STAMBP: variants seen among roughly 807,000 people sequenced by gnomAD.
The protein encoded by STAMBP is STAM binding protein, also known as STAM-binding protein.
STAMBP carries 31 observed loss-of-function variants against 50.7 expected under a neutral mutation model. The ratio of observed to expected loss-of-function variants is 0.61; its 90% CI spans 0.46 to 0.83. The LOEUF (loss-of-function observed/expected upper bound fraction) is 0.83, where lower values mean the gene tolerates loss of function less well. Ranked by LOEUF, STAMBP falls within the 40% of genes least tolerant of loss-of-function variation. The pLI is 0.00. For synonymous variants in STAMBP, 211 were observed against 192.4 expected (o/e 1.10, Z -0.80); for missense variants, 472 against 518.9 (o/e 0.91, Z 0.88).
rs908490730 is a variant in STAMBP at position 73,859,327 on chromosome 2, C to G, written c.1079C>G (p.Pro360Arg). Residue 360 changes from proline to arginine, a missense_variant, in exon 8 of 10, where the codon CCA becomes CGA. By Grantham distance (103) the Pro-to-Arg change is moderately radical. Coordinates refer to ENST00000394070, the MANE Select transcript of STAMBP (RefSeq NM_213622.4). Reference protein sequence around the residue: ...HTHCSYQMMLPESVAIVCSPK... With the variant: ...HTHCSYQMMLRESVAIVCSPK... ...CACTGCTCTTACCAGATGATGTTGC[C>G]AGAGTCAGTAGCCATTGTTTGCTCC... 6.2e-7 allele frequency: 1 copy of G among 1,614,128 alleles called. No individual in the cohort carries two copies. The highest frequency in any genetic ancestry group is 1.3e-5 in the African/African-American group (1 of 75,014).
intron 5 of STAMBP, 21 bp from the exon 6 acceptor site, chr2:73,849,342 A>C: frequency 6.2e-7 from 1 of 1,612,974 alleles, no homozygotes; most frequent in East Asian, 2.2e-5. Context: ...GTCGCAGACT[A>C]TTCTCCTTTC....
intron 2 of STAMBP, among the ~76,000 whole-genome samples, chr2:73,837,037 C>T (rs1177009935): frequency 1.3e-5 from 2 of 152,134 alleles, no homozygotes; most frequent in South Asian, 4.1e-4. Context: ...ATCTGTGAAC[C>T]GGAATAGGAA....
chr2:73,855,785 A>T (rs1318633317), intron 7 of STAMBP: 4 of 428,286 alleles, frequency 9.3e-6, no homozygotes, highest in Non-Finnish European at 1.9e-5. Flanking sequence ...GGCTGCACAT[A>T]AGAATCACTT....
At chr2:73,833,640 T>G (rs925858348) in intron 2 of STAMBP, among the ~76,000 whole-genome samples, 1 of 152,208 alleles carries the variant, frequency 6.6e-6, no homozygotes. Flanking sequence ...ATGGAATCAC[T>G]GCACCAGGTA....
intron 5 of STAMBP, 61 bp downstream of exon 5, chr2:73,847,814 C>T (rs190954770): frequency 4.0e-5 from 62 of 1,546,840 alleles, no homozygotes; most frequent in Admixed American, 3.2e-4. Context: ...ATCATTCTGA[C>T]GGGGTCAACC....
At chr2:73,858,519 T>G (rs541736868) in intron 7 of STAMBP, among the ~76,000 whole-genome samples, 4 of 152,120 alleles carry the variant, frequency 2.6e-5, no homozygotes, top group Non-Finnish European at 4.4e-5. Flanking sequence ...TATTGTGGAA[T>G]GGGAAAATCA....
At chr2:73,848,883 T>C (rs1480591897) in intron 5 of STAMBP, among the ~76,000 whole-genome samples, 5 of 152,144 alleles carry the variant, frequency 3.3e-5, no homozygotes, top group Admixed American at 3.3e-4. Context: ...CCCCCTAAAT[T>C]TTATTTTTTA....
intron 9 of STAMBP, 114 bp downstream of exon 9, chr2:73,860,265 C>A: frequency 2.4e-6 from 2 of 830,140 alleles, no homozygotes; most frequent in Non-Finnish European, 1.9e-6. Context: ...TTGTCACTTA[C>A]CTTGCCAGAT....
In STAMBP at chr2:73,862,312, A is replaced by G; in HGVS notation, c.*53A>G. ...CAACAAAACCATATCAGTGTACTGT[A>G]GCCCCTTAATTTAAGCTTTCTAGAA... is the stretch of plus-strand genomic sequence containing the variant. On this transcript the variant is annotated 3_prime_UTR_variant, in exon 10 of 10. Coordinates refer to ENST00000394070, the MANE Select transcript of STAMBP (RefSeq NM_213622.4). 1 of 1,508,516 alleles carries G rather than the reference A, an allele frequency of 6.6e-7. No homozygotes were observed. Among genetic ancestry groups the G allele is most frequent in the Non-Finnish European group, 8.9e-7 (1 of 1,118,988 alleles). The allele number at this position is 1,508,516 out of a possible 1,614,324, so 93.4% of individuals were successfully genotyped here. A position where few individuals can be genotyped will look rare whatever the true frequency, so the allele number is the denominator to read the frequency against.
Position 73,845,235 on chromosome 2 carries a change from A to G in STAMBP, c.348A>G (p.Lys116=). The G allele has an allele frequency of 6.2e-7, 1 of 1,613,586 alleles. No homozygotes were observed. Among genetic ancestry groups the G allele is most frequent in the Non-Finnish European group, 8.5e-7 (1 of 1,179,558 alleles). The part of the protein sequence containing the change: ...LKAELLKRYT[K]EYTEYNEEKK... ...CAGAGCTGTTAAAACGATATACCAA[A>G]GAATATACAGAATATAATGAAGAAA... The change falls in exon 4 of 10, where the codon AAA becomes AAG. Residue 116 remains lysine, a synonymous_variant. Transcript: ENST00000394070.
At position 73,850,516 on chromosome 2, in the gene STAMBP, A is replaced by G; in HGVS notation, c.1005+3A>G. ...TCATCACACTGGGCTGGATTCATGT[A>G]AGCAATTCTGAGCTGTCCGAGAGTT... On this transcript the variant is annotated splice_donor_region_variant and intron_variant, in intron 7 of 9. Coordinates refer to ENST00000394070, the MANE Select transcript of STAMBP (RefSeq NM_213622.4). This position sits in a 1 kb window ranked among gnomAD's most constrained non-coding sequence, Gnocchi z 4.3. The G allele has an allele frequency of 6.2e-7, 1 of 1,612,638 alleles. No homozygotes were observed. The highest frequency in any genetic ancestry group is 8.5e-7 in the Non-Finnish European group (1 of 1,179,330).
intron 9 of STAMBP, among the ~76,000 whole-genome samples, chr2:73,860,748 T>G (rs1678238948): frequency 6.6e-6 from 1 of 152,190 alleles, no homozygotes; most frequent in South Asian, 2.1e-4. Context: ...GATTTGATGG[T>G]GTTGCATTAC....
In STAMBP at chr2:73,849,495, GAA is replaced by G. The variant is rs202168066; in HGVS notation, c.867+17_867+18del. On this transcript the variant is annotated intron_variant, in intron 6 of 9. Coordinates refer to ENST00000394070, the MANE Select transcript of STAMBP (RefSeq NM_213622.4). ...ATTCTCTGTGGAAAACTGGTAAAAA[GAA>G]AAAAAAAACCAAACTCTTCTCTGAA... 2.0e-5 allele frequency: 29 copies of G among 1,426,044 alleles called. No individual in the cohort carries two copies. The highest frequency in any genetic ancestry group is 2.5e-5 in the Non-Finnish European group (27 of 1,062,248). 88.3% of individuals were successfully genotyped at this position (1,426,044 alleles called of 1,614,324 possible).
chr2:73,838,495 A>C (rs1319405303), intron 2 of STAMBP, among the ~76,000 whole-genome samples: 1 of 152,206 alleles, frequency 6.6e-6, no homozygotes. Flanking sequence ...ATTTTAGAGC[A>C]TGTTTTTGCT....
At chr2:73,838,779 C>T (rs1675025886) in intron 2 of STAMBP, among the ~76,000 whole-genome samples, 1 of 152,148 alleles carries the variant, frequency 6.6e-6, no homozygotes, top group African/African-American at 2.4e-5. Context: ...AGCTCATTTA[C>T]TTGATTTGTG....
At chr2:73,844,665 A>G (rs963864672) in intron 2 of STAMBP, 148 bp from the exon 3 acceptor site, 3 of 568,088 alleles carry the variant, frequency 5.3e-6, no homozygotes, top group Non-Finnish European at 9.2e-6. Flanking sequence ...GGAAAGGAGC[A>G]TGGCCCAGCT....
intron 7 of STAMBP, among the ~76,000 whole-genome samples, chr2:73,856,461 A>G (rs1677561536): frequency 6.6e-6 from 1 of 152,370 alleles, no homozygotes; most frequent in African/African-American, 2.4e-5. Flanking sequence ...AAGGAACCAA[A>G]TAAGTCTTGA....
At chr2:73,834,223 AAAAAAAAAAAAAAATATATAT>A (rs1674332373) in intron 2 of STAMBP, among the ~76,000 whole-genome samples, 2 of 25,930 alleles carry the variant, frequency 7.7e-5, no homozygotes, top group African/African-American at 2.2e-4. Flanking sequence ...AAAAAAAAAA[AAAAAAAAAAAAAAATATATAT>A]ATATATATAT....
In STAMBP at chr2:73,860,063, TTAAAC is replaced by T; in HGVS notation, c.1134_1138del (p.Lys378AsnfsTer2). On this transcript the variant is annotated frameshift_variant, in exon 9 of 10. Coordinates refer to ENST00000394070, the MANE Select transcript of STAMBP (RefSeq NM_213622.4). LOFTEE classifies it high-confidence loss of function. ...TTTTTAAATTTCAGAACTGGATTCTTTAAACTAACTGACCATGGACTAGAGGAGAT... is the reference window on the plus strand; with the variant it reads ...TTTTTAAATTTCAGAACTGGATTCTTTAACTGACCATGGACTAGAGGAGAT... 6.2e-7 allele frequency: 1 copy of T among 1,610,172 alleles called. No homozygotes were observed. Among genetic ancestry groups the T allele is most frequent in the Non-Finnish European group, 8.5e-7 (1 of 1,179,868 alleles).
Sources: allele counts gnomAD v4.1 joint callset (sites outside exome capture counted in the v4.1 genomes callset), GRCh38; gene constraint gnomAD v4.1.1; non-coding constraint Gnocchi (gnomAD v3.1); transcripts MANE v1.5; gene names NCBI Gene and HGNC (gene_info 2026-07-23, HGNC 2026-07-21).